CBFB: variants seen among roughly 807,000 people sequenced by gnomAD.
CBFB encodes the protein CBF-beta.
A neutral mutation model predicts 30.4 loss-of-function variants in CBFB; 9 were observed. That is an observed-to-expected ratio of 0.30 (90% CI 0.18 to 0.52). CBFB has a LOEUF of 0.52. Ranked by LOEUF, CBFB falls within the 20% of genes least tolerant of loss-of-function variation. The pLI, the probability that CBFB is intolerant of heterozygous loss-of-function variation, is 0.97. For synonymous variants in CBFB, 94 were observed against 84.0 expected, an observed-to-expected ratio of 1.12 and a Z score of -0.65; for missense variants, 170 against 244.0, an observed-to-expected ratio of 0.70 and a Z score of 2.02.
intron 3 of CBFB, among the ~76,000 whole-genome samples, chr16:67,043,307 A>G (rs1478861770): frequency 6.6e-6 from 1 of 152,222 alleles, no homozygotes; most frequent in Non-Finnish European, 1.5e-5. Flanking sequence ...AAAGCTCTAT[A>G]TTCTCTATTA....
chr16:67,038,264 TATTTA>T (rs750541088), intron 3 of CBFB, among the ~76,000 whole-genome samples: 11 of 151,614 alleles, frequency 7.3e-5, no homozygotes, highest in South Asian at 2.1e-4. Flanking sequence ...CTTTGAGAAA[TATTTA>T]ATTTAATCTT....
intron 3 of CBFB, among the ~76,000 whole-genome samples, chr16:67,042,781 A>C (rs980041858): frequency 3.9e-5 from 6 of 152,122 alleles, no homozygotes; most frequent in African/African-American, 1.4e-4. Flanking sequence ...TCTGTCATCC[A>C]GGCTGGAGTG....
At chr16:67,032,962 TC>T (rs1242955850) in intron 2 of CBFB, among the ~76,000 whole-genome samples, 1 of 151,732 alleles carries the variant, frequency 6.6e-6, no homozygotes, top group Non-Finnish European at 1.5e-5. Flanking sequence ...GCAACCTCCG[TC>T]CCCCATGTTC....
intron 5 of CBFB, among the ~76,000 whole-genome samples, chr16:67,092,057 C>T (rs1338421545): frequency 6.6e-6 from 1 of 152,120 alleles, no homozygotes; most frequent in Non-Finnish European, 1.5e-5. Flanking sequence ...CTCTCCCTCC[C>T]CTTCCCCCCT....
intron 3 of CBFB, among the ~76,000 whole-genome samples, chr16:67,059,935 T>G (rs1266920288): frequency 2.6e-5 from 4 of 152,156 alleles, no homozygotes; most frequent in Non-Finnish European, 1.5e-5. Flanking sequence ...ATGTAGCAGA[T>G]AAAAATTGTT....
chr16:67,032,710 G>A (rs528860479), intron 2 of CBFB, among the ~76,000 whole-genome samples: 1 of 152,330 alleles, frequency 6.6e-6, no homozygotes, highest in East Asian at 1.9e-4. Flanking sequence ...TTTATCTCAT[G>A]ACTTATGAAC....
rs907033760 is a variant in CBFB, at chr16:67,091,724, C to T, written c.496-6986C>T. On this transcript the variant is annotated intron_variant, in intron 5 of 5. Transcript: ENST00000412916. ...AATTGTCTGCTGACTTTTTTTTACC[C>T]TTTTTAAAATTTTTTTTTAATTTTA... 2.0e-5 allele frequency among the ~76,000 whole-genome samples: 3 copies of T among 152,118 alleles called. No individual in the cohort carries two copies. The East Asian group carries it at 5.8e-4, about 29-fold the overall frequency.
At chr16:67,075,849 C>G (rs948782563) in intron 4 of CBFB, among the ~76,000 whole-genome samples, 6 of 152,186 alleles carry the variant, frequency 3.9e-5, no homozygotes, top group Non-Finnish European at 7.4e-5. Flanking sequence ...GGTGCCTCAC[C>G]CTTGTAATCC....
At chr16:67,081,348 A>G (rs893266517) in intron 4 of CBFB, among the ~76,000 whole-genome samples, 4 of 152,108 alleles carry the variant, frequency 2.6e-5, no homozygotes, top group African/African-American at 7.2e-5. Flanking sequence ...TCATGCTGCT[A>G]TAAAGACACA....
chr16:67,074,822 A>G (rs1324577778), intron 4 of CBFB, among the ~76,000 whole-genome samples: 1 of 152,254 alleles, frequency 6.6e-6, no homozygotes, highest in East Asian at 1.9e-4. Context: ...AGAACTGTTT[A>G]TCAAAAGACA....
At chr16:67,069,758 T>G (rs1017777907) in intron 4 of CBFB, among the ~76,000 whole-genome samples, 2 of 152,184 alleles carry the variant, frequency 1.3e-5, no homozygotes, top group Admixed American at 6.6e-5. Flanking sequence ...ACGGTAAGAT[T>G]AACAGCTGAC....
chr16:67,068,634 G>T (rs554771317), intron 4 of CBFB, among the ~76,000 whole-genome samples: 15 of 152,154 alleles, frequency 9.9e-5, no homozygotes, highest in Non-Finnish European at 1.6e-4. Context: ...AGTTGCTACA[G>T]TATATTATCT....
chr16:67,073,394 C>G (rs1961289955), intron 4 of CBFB, among the ~76,000 whole-genome samples: 1 of 152,134 alleles, frequency 6.6e-6, no homozygotes, highest in East Asian at 1.9e-4. Flanking sequence ...ACTTCAGAAT[C>G]AAATCATTTC....
At chr16:67,054,784 G>A (rs554199298) in intron 3 of CBFB, among the ~76,000 whole-genome samples, 3 of 152,120 alleles carry the variant, frequency 2.0e-5, no homozygotes, top group East Asian at 1.9e-4. Flanking sequence ...ACGGAGTCTC[G>A]CTCTGTCGCC....
chr16:67,077,715 C>CT (rs1176285504), intron 4 of CBFB, among the ~76,000 whole-genome samples: 1 of 152,158 alleles, frequency 6.6e-6, no homozygotes, highest in African/African-American at 2.4e-5. Context: ...TTTTTAAACT[C>CT]TGATGCAGAA....
In CBFB at chr16:67,100,546, C is replaced by CTTTTTAAGTGAT; in HGVS notation, c.*1768_*1769insTTTTTAAGTGAT. 1 of 227,700 alleles carries CTTTTTAAGTGAT rather than the reference C, an allele frequency of 4.4e-6. No individual in the cohort carries two copies. The highest frequency in any genetic ancestry group is 8.7e-6 in the Non-Finnish European group (1 of 114,328). 14.1% of individuals were successfully genotyped at this position (227,700 alleles called of 1,614,324 possible). A position where few individuals can be genotyped will look rare whatever the true frequency, so the allele number is the denominator to read the frequency against. ...TTTACACACTCAGTGCCCTAATTTCCCCTGAGGGAATCGCTTTTTAAGTGA... is the reference window on the plus strand; with the variant it reads ...TTTACACACTCAGTGCCCTAATTTCCTTTTTAAGTGATCCTGAGGGAATCGCTTTTTAAGTGA... On this transcript the variant is annotated 3_prime_UTR_variant, in exon 6 of 6. Coordinates refer to ENST00000412916, the MANE Select transcript of CBFB (RefSeq NM_022845.3).
Position 67,099,711 on chromosome 16 carries a change from T to A in CBFB, c.*933T>A, listed in dbSNP as rs928139579. The A allele has an allele frequency of 4.9e-5, 10 of 204,736 alleles. No individual in the cohort carries two copies. Among genetic ancestry groups the A allele is most frequent in the East Asian group, 1.5e-4 (2 of 13,368 alleles). 12.7% of individuals were successfully genotyped at this position (204,736 alleles called of 1,614,324 possible). On this transcript the variant is annotated 3_prime_UTR_variant, in exon 6 of 6. Transcript: ENST00000412916. ...CTTCTGTTTTATTCAGGGATTTTTTTAAAAAGTCAATCAGAAAAGGGATAC... is the reference window on the plus strand; with the variant it reads ...CTTCTGTTTTATTCAGGGATTTTTTAAAAAAGTCAATCAGAAAAGGGATAC...
chr16:67,029,565 G>A (rs1966294490), intron 1 of CBFB, 80 bp downstream of exon 1: 3 of 1,411,012 alleles, frequency 2.1e-6, no homozygotes, highest in Admixed American at 2.3e-5. Flanking sequence ...GGGCGGCACG[G>A]TCCCCGGGAG....
At chr16:67,070,506 C>CATA (rs1268705363) in intron 4 of CBFB, among the ~76,000 whole-genome samples, 1 of 152,112 alleles carries the variant, frequency 6.6e-6, no homozygotes, top group Admixed American at 6.5e-5. Context: ...AGTGATAAAG[C>CATA]AGACTTTATT....
Sources: gnomAD v4.1 joint callset for allele counts (sites outside exome capture counted in the v4.1 genomes callset) on GRCh38, gnomAD v4.1.1 for gene constraint, MANE v1.5 for transcripts, NCBI Gene and HGNC (gene_info 2026-07-23, HGNC 2026-07-21) for gene names.